CCDC43: variants seen among roughly 807,000 people sequenced by gnomAD.
CCDC43 encodes coiled-coil domain-containing protein 43.
In CCDC43, 20 loss-of-function variants were observed where a neutral mutation model predicts 33.3. The ratio of observed to expected loss-of-function variants is 0.60; its 90% CI spans 0.42 to 0.87. The LOEUF (loss-of-function observed/expected upper bound fraction) is 0.87, where lower values mean the gene tolerates loss of function less well. CCDC43 is among the 40% of genes least tolerant of loss of function. CCDC43 has a pLI of 0.00. For missense variants in CCDC43, 248 were observed against 269.9 expected (o/e 0.92, Z 0.57); for synonymous variants, 104 against 106.5 (o/e 0.98, Z 0.14).
At chr17:44,681,032 CA>C (rs1443183944) in intron 3 of CCDC43, among the ~76,000 whole-genome samples, 1 of 152,170 alleles carries the variant, frequency 6.6e-6, no homozygotes, top group African/African-American at 2.4e-5. Context: ...TGTGTTTTAA[CA>C]AGTCCTCCAG....
rs1304734147 is a variant in CCDC43 at position 44,678,047 on chromosome 17, C to T, written c.*809G>A. 6.6e-6 allele frequency: 1 copy of T among 152,582 alleles called. No homozygotes were observed. The highest frequency in any genetic ancestry group is 1.5e-5 in the Non-Finnish European group (1 of 68,010). The allele number at this position is 152,582 out of a possible 1,614,324, so 9.5% of individuals were successfully genotyped here. ...GTGTTAGCAGAAATTTCCAGTGTTTCTTCCTTAAAAGGGTGATTTCTCCAG... is the reference window on the plus strand; with the variant it reads ...GTGTTAGCAGAAATTTCCAGTGTTTTTTCCTTAAAAGGGTGATTTCTCCAG... On this transcript the variant is annotated 3_prime_UTR_variant, in exon 5 of 5. Coordinates refer to ENST00000315286, the MANE Select transcript of CCDC43 (RefSeq NM_144609.3).
At position 44,678,826 on chromosome 17, in the gene CCDC43, C is replaced by A. The variant is rs1408460987; in HGVS notation, c.*30G>T. On this transcript the variant is annotated 3_prime_UTR_variant, in exon 5 of 5. Transcript: ENST00000315286. Reference sequence around the variant, plus strand: ...CAACCAGTTCTCCCTTTGATAAGTTCATGGGGGGAAAGAATAGAGTAGGCC... The same window carrying A: ...CAACCAGTTCTCCCTTTGATAAGTTAATGGGGGGAAAGAATAGAGTAGGCC... 1.3e-6 allele frequency: 2 copies of A among 1,597,190 alleles called. No individual in the cohort carries two copies. The highest frequency in any genetic ancestry group is 1.7e-6 in the Non-Finnish European group (2 of 1,170,788).
intron 3 of CCDC43, among the ~76,000 whole-genome samples, chr17:44,681,298 C>T (rs1270259333): frequency 1.3e-5 from 2 of 151,960 alleles, no homozygotes; most frequent in Admixed American, 6.6e-5. Flanking sequence ...ATTAGCTGGG[C>T]GTGGTGGCAC....
At position 44,683,762 on chromosome 17, in the gene CCDC43, C is replaced by T. The variant is rs571925814; in HGVS notation, c.292+110G>A. On this transcript the variant is annotated intron_variant, in intron 2 of 4. Coordinates refer to ENST00000315286, the MANE Select transcript of CCDC43 (RefSeq NM_144609.3). ...GGTGTTTGCCAGTGTACACTATCTT[C>T]GGGAAAATGAGCATCCAAGGGGAAA... is the stretch of plus-strand genomic sequence containing the variant. 4.8e-5 allele frequency: 35 copies of T among 725,260 alleles called. 1 individual carries two copies. The highest frequency in any genetic ancestry group is 4.6e-4 in the South Asian group (27 of 59,042). 44.9% of individuals were successfully genotyped at this position (725,260 alleles called of 1,614,324 possible). A position where few individuals can be genotyped will look rare whatever the true frequency, so the allele number is the denominator to read the frequency against.
intron 4 of CCDC43, 93 bp from the exon 5 acceptor site, chr17:44,679,136 A>T: frequency 1.1e-6 from 1 of 941,010 alleles, no homozygotes; most frequent in South Asian, 2.2e-5. Flanking sequence ...CCACCTGCTG[A>T]GTCCTGAATC....
At chr17:44,681,416 C>T (rs750581300) in intron 3 of CCDC43, among the ~76,000 whole-genome samples, 1 of 152,240 alleles carries the variant, frequency 6.6e-6, no homozygotes, top group East Asian at 1.9e-4. Context: ...CCAGCCTAAG[C>T]GACGAAGCGA....
intron 3 of CCDC43, 28 bp from the exon 4 acceptor site, chr17:44,680,671 G>A (rs1972145835): frequency 1.3e-6 from 2 of 1,569,638 alleles, no homozygotes; most frequent in South Asian, 2.2e-5. Flanking sequence ...AAGTCAGATG[G>A]AAAACAACAT....
Position 44,682,061 on chromosome 17 carries a change from C to G in CCDC43, c.370G>C (p.Glu124Gln). Residue 124 changes from glutamate (E) to glutamine (Q), a missense_variant, in exon 3 of 5, where the codon GAG becomes CAG. Glu to Gln is a conservative substitution (Grantham distance 29, BLOSUM62 2). Transcript: ENST00000315286. Reference sequence around the variant, plus strand: ...AGGAGGGCAGCTTTTCTCTGCTTCTCCTCTTCTGACACCATCCTTGGCTTT... The same window carrying G: ...AGGAGGGCAGCTTTTCTCTGCTTCTGCTCTTCTGACACCATCCTTGGCTTT... ...VVKPRMVSEE[E>Q]KQRKAALLAQ... 5 of 1,614,012 alleles carry G rather than the reference C, an allele frequency of 3.1e-6. No homozygotes were observed. Among genetic ancestry groups the G allele is most frequent in the Non-Finnish European group, 4.2e-6 (5 of 1,179,892 alleles).
chr17:44,688,089 C>T (rs978972566), intron 1 of CCDC43: 3 of 152,150 alleles, frequency 2.0e-5, no homozygotes, highest in African/African-American at 7.2e-5. Flanking sequence ...GAAAATGTTT[C>T]TGCCTTCTAC....
Position 44,689,689 on chromosome 17 carries a change from A to G in CCDC43, c.65T>C (p.Phe22Ser). The stretch of plus-strand genomic sequence containing the variant: ...CAACCGTCCGTCCAGCCAGGAGCCA[A>G]AGCCGCCGCCTCCGCCATCGCCTTC... ...PGEGDGGGGG[F>S]GSWLDGRLEA... The change falls in exon 1 of 5, where the codon TTT becomes TCT. Residue 22 changes from phenylalanine to serine, a missense_variant. Coordinates refer to ENST00000315286, the MANE Select transcript of CCDC43 (RefSeq NM_144609.3). The G allele has an allele frequency of 1.2e-6, 2 of 1,609,068 alleles. No homozygotes were observed. The highest frequency in any genetic ancestry group is 8.5e-7 in the Non-Finnish European group (1 of 1,178,020).
chr17:44,684,104 T>C (rs1972200250), intron 1 of CCDC43, 145 bp from the exon 2 acceptor site: 2 of 620,920 alleles, frequency 3.2e-6, no homozygotes, highest in South Asian at 3.9e-5. Flanking sequence ...ATGTTTCTTT[T>C]CTGAGGCTCT....
At chr17:44,684,119 A>G (rs1972200358) in intron 1 of CCDC43, among the ~76,000 whole-genome samples, 160 bp from the exon 2 acceptor site, 1 of 152,200 alleles carries the variant, frequency 6.6e-6, no homozygotes, top group Non-Finnish European at 1.5e-5. Context: ...GGCTCTGGAC[A>G]CAGAATTGAT....
chr17:44,689,299 G>A, intron 1 of CCDC43: 1 of 538,820 alleles, frequency 1.9e-6, no homozygotes, highest in South Asian at 2.4e-5. Context: ...TCACTCACAA[G>A]CATCGGAGAG....
intron 4 of CCDC43, among the ~76,000 whole-genome samples, chr17:44,679,422 G>T (rs955190611): frequency 1.3e-5 from 2 of 152,194 alleles, no homozygotes; most frequent in Non-Finnish European, 2.9e-5. Context: ...TTGGTGAACA[G>T]AGTAGTAATG....
chr17:44,685,600 G>C (rs181722045), intron 1 of CCDC43, among the ~76,000 whole-genome samples: 1 of 152,136 alleles, frequency 6.6e-6, no homozygotes, highest in Non-Finnish European at 1.5e-5. Context: ...TACCCTACTT[G>C]TCAAAGAACA....
intron 3 of CCDC43, 169 bp downstream of exon 3, chr17:44,681,834 T>A (rs1972167059): frequency 1.4e-6 from 1 of 728,996 alleles, no homozygotes; most frequent in Non-Finnish European, 2.3e-6. Flanking sequence ...CAGTATCAAC[T>A]AATCCAATAT....
intron 2 of CCDC43, among the ~76,000 whole-genome samples, chr17:44,682,805 C>T (rs943199388): frequency 7.2e-5 from 11 of 151,858 alleles, no homozygotes; most frequent in Middle Eastern, 3.4e-3. Flanking sequence ...TGCAGTGAGC[C>T]GAGATCACGC....
At chr17:44,680,719 A>G (rs934906023) in intron 3 of CCDC43, 76 bp from the exon 4 acceptor site, 15 of 1,072,630 alleles carry the variant, frequency 1.4e-5, no homozygotes, top group Non-Finnish European at 2.2e-5. Context: ...TAGACTGGTA[A>G]GTAGGAAAAG....
At position 44,680,485 on chromosome 17, in the gene CCDC43, C is replaced by T; in HGVS notation, c.487+100G>A. 5.0e-6 allele frequency: 4 copies of T among 804,034 alleles called. No individual in the cohort carries two copies. In the Admixed American group the frequency reaches 7.0e-5, roughly 14 times the overall value. The allele number at this position is 804,034 out of a possible 1,614,324, so 49.8% of individuals were successfully genotyped here. A position where few individuals can be genotyped will look rare whatever the true frequency, so the allele number is the denominator to read the frequency against. Reference sequence around the variant, plus strand: ...TCCCAATGTTAGCATGACATGAGTTCCTGAAGGTAAAGGGGAGCCGCCAGC... The same window carrying T: ...TCCCAATGTTAGCATGACATGAGTTTCTGAAGGTAAAGGGGAGCCGCCAGC... On this transcript the variant is annotated intron_variant, in intron 4 of 4. Coordinates refer to ENST00000315286, the MANE Select transcript of CCDC43 (RefSeq NM_144609.3).
Sources: gnomAD v4.1 joint callset for allele counts (sites outside exome capture counted in the v4.1 genomes callset) on GRCh38, gnomAD v4.1.1 for gene constraint, MANE v1.5 for transcripts, NCBI Gene and HGNC (gene_info 2026-07-23, HGNC 2026-07-21) for gene names.